FAM228B: variants seen among roughly 807,000 people sequenced by gnomAD.
FAM228B encodes protein FAM228B.
A neutral mutation model predicts 42.6 loss-of-function variants in FAM228B; 38 were observed. The observed-to-expected ratio is 0.89, with a 90% CI of 0.69 to 1.17. The LOEUF is 1.17. Ranked by LOEUF, FAM228B falls within the 50% of genes most tolerant of loss-of-function variation. FAM228B has a pLI of 0.00. For synonymous variants in FAM228B, 109 were observed against 122.3 expected, an observed-to-expected ratio of 0.89 and a Z score of 0.72; for missense variants, 344 against 367.3, an observed-to-expected ratio of 0.94 and a Z score of 0.52.
chr2:24,084,164 C>T lies in FAM228B; in HGVS notation c.-210+3209C>T, dbSNP rs928691303. On this transcript the variant is annotated intron_variant, in intron 2 of 10. Coordinates refer to the FAM228B transcript ENST00000613899. The surrounding 1 kb of genome is among the most constrained non-coding windows in gnomAD (Gnocchi z 8.4). ...AGGGAGGCTCTGGAGTCCCGCCCGC[C>T]CCGGCGCGGCTGAGCCCTGGGTACC... 1 of 1,596,598 alleles carries T rather than the reference C, an allele frequency of 6.3e-7. No homozygotes were observed. Among genetic ancestry groups the T allele is most frequent in the Non-Finnish European group, 8.5e-7 (1 of 1,172,944 alleles).
chr2:24,078,979 G>A (rs1371163171), intron 1 of FAM228B: 1 of 161,296 alleles, frequency 6.2e-6, no homozygotes, highest in Non-Finnish European at 1.4e-5. Context: ...TGAAACTCCT[G>A]GACTCAAGCA....
Position 24,093,683 on chromosome 2 carries a change from T to C in FAM228B, c.-209-1458T>C, listed in dbSNP as rs185252203. On this transcript the variant is annotated intron_variant, in intron 2 of 10. Coordinates refer to the FAM228B transcript ENST00000613899. ...CAGGCTGAAGTGCAGTGGCACAATC[T>C]TGGCTCACTGCAACCTCCTCCTCCT... Among the ~76,000 whole-genome samples the C allele has an allele frequency of 1.9e-3, 278 of 149,894 alleles. 4 individuals are homozygous for C. Among genetic ancestry groups the C allele is most frequent in the Admixed American group, 0.014 (209 of 15,030 alleles).
intron 3 of FAM228B, among the ~76,000 whole-genome samples, chr2:24,101,476 G>A (rs1409230871): frequency 6.6e-6 from 1 of 151,798 alleles, no homozygotes; most frequent in African/African-American, 2.4e-5. Flanking sequence ...TTATTATTAT[G>A]ATATTATTAG....
chr2:24,094,144 A>G (rs1350137563), intron 2 of FAM228B, among the ~76,000 whole-genome samples: 1 of 144,188 alleles, frequency 6.9e-6, no homozygotes, highest in African/African-American at 2.6e-5. Context: ...GATTCAAGTG[A>G]TCCTCCTGCC....
intron 2 of FAM228B, among the ~76,000 whole-genome samples, chr2:24,092,783 AATTCTATGC>A (rs1426939454): frequency 1.1e-4 from 16 of 152,294 alleles, no homozygotes; most frequent in African/African-American, 3.6e-4. Context: ...ATAAATTGTG[AATTCTATGC>A]ATCCACTTGA....
At chr2:24,165,922 A>G (rs1667392159) in intron 9 of FAM228B, 1 of 156,458 alleles carries the variant, frequency 6.4e-6, no homozygotes, top group Non-Finnish European at 1.4e-5. Context: ...GAGTCCTGTA[A>G]TTCCAGCTAC....
intron 2 of FAM228B, chr2:24,081,123 C>T: frequency 1.1e-6 from 1 of 887,618 alleles, no homozygotes; most frequent in Non-Finnish European, 1.5e-6. Context: ...GGCCGTTGCA[C>T]CAAATGCCAA....
At chr2:24,147,117 C>CT (rs1666914603) in intron 7 of FAM228B, 31 bp downstream of exon 7, 1 of 1,417,760 alleles carries the variant, frequency 7.1e-7, no homozygotes, top group Non-Finnish European at 9.4e-7. Flanking sequence ...AATTATAGAA[C>CT]CTTTTGGACT....
Position 24,161,536 on chromosome 2 carries a change from T to C in FAM228B, c.717T>C (p.Cys239=), listed in dbSNP as rs898200769. The change falls in exon 8 of 11, where the codon TGT becomes TGC. Residue 239 remains cysteine (C), a synonymous_variant. Coordinates refer to ENST00000615575, the MANE Select transcript of FAM228B (RefSeq NM_001145710.2). The part of the protein sequence containing the change: ...RLKVKVNFND[C]SFDLKPLARA... ...AGGTGAAAGTGAATTTTAATGACTG[T>C]AGTTTTGATTTGAAACCTTTGGCAA... is the stretch of plus-strand genomic sequence containing the variant. The C allele has an allele frequency of 5.2e-6, 8 of 1,545,678 alleles. No homozygotes were observed. Among genetic ancestry groups the C allele is most frequent in the Admixed American group, 3.9e-5 (2 of 50,884 alleles).
intron 9 of FAM228B, among the ~76,000 whole-genome samples, chr2:24,167,160 G>A (rs989343475): frequency 6.6e-6 from 1 of 152,222 alleles, no homozygotes; most frequent in African/African-American, 2.4e-5. Flanking sequence ...AGGCAGGGCC[G>A]TCAAGGCAGT....
chr2:24,153,590 C>T lies in FAM228B; in HGVS notation c.686+6504C>T, dbSNP rs117590913. Among the ~76,000 whole-genome samples the T allele has an allele frequency of 2.3e-4, 35 of 152,286 alleles. 1 individual carries two copies. In the East Asian group the frequency reaches 6.6e-3, roughly 29 times the overall value. On this transcript the variant is annotated intron_variant, in intron 7 of 10. Coordinates refer to ENST00000615575, the MANE Select transcript of FAM228B (RefSeq NM_001145710.2). ...GATGCAGGACAAAGTCCTCTTTATT[C>T]TTCACTCTCCTCCCTTTAAGCAGAA...
At chr2:24,142,282 ATGGCCCAGAGCACC>A (rs1336602019) in intron 5 of FAM228B, among the ~76,000 whole-genome samples, 1 of 152,190 alleles carries the variant, frequency 6.6e-6, no homozygotes, top group African/African-American at 2.4e-5. Flanking sequence ...AGGGCTTGAG[ATGGCCCAGAGCACC>A]TGGCTTCAGA....
intron 2 of FAM228B, among the ~76,000 whole-genome samples, chr2:24,132,957 G>A (rs751314640): frequency 1.3e-5 from 2 of 152,136 alleles, no homozygotes; most frequent in African/African-American, 4.8e-5. Context: ...CAGATATTTG[G>A]TCAGAGTTCT....
upstream of FAM228B, chr2:24,123,037 A>G (rs918850696): frequency 2.0e-5 from 3 of 152,422 alleles, no homozygotes; most frequent in African/African-American, 7.2e-5. Flanking sequence ...CAACATCCCA[A>G]TGGACTAAAA....
upstream of FAM228B, chr2:24,123,159 G>A (rs74883678): frequency 0.12 from 18,617 of 152,460 alleles, 1,362 homozygotes; most frequent in Middle Eastern, 0.2. Context: ...CCTTCCAGTG[G>A]TTTGGTCCCC....
intron 2 of FAM228B, among the ~76,000 whole-genome samples, chr2:24,094,234 G>A (rs1174913381): frequency 2.6e-5 from 4 of 151,360 alleles, no homozygotes; most frequent in Non-Finnish European, 4.4e-5. Context: ...CACCACACCT[G>A]GCTACTTTTT....
At chr2:24,124,161 G>A (rs537866442) in intron 1 of FAM228B, 169 bp from the exon 2 acceptor site, 7 of 463,510 alleles carry the variant, frequency 1.5e-5, no homozygotes, top group Non-Finnish European at 2.3e-5. Flanking sequence ...AAAGGAGGCT[G>A]GCTCTGAAGC....
At chr2:24,116,806 C>A (rs1437746187) in intron 3 of FAM228B, among the ~76,000 whole-genome samples, 4 of 151,530 alleles carry the variant, frequency 2.6e-5, no homozygotes, top group Non-Finnish European at 5.9e-5. Context: ...ATCTCTTGAA[C>A]CTGGAAGTTG....
chr2:24,146,795 C>T lies in FAM228B; in HGVS notation c.489C>T (p.Asp163=). The change falls in exon 6 of 11, where the codon GAC becomes GAT. Residue 163 remains aspartate, a synonymous_variant. Coordinates refer to ENST00000615575, the MANE Select transcript of FAM228B (RefSeq NM_001145710.2). ...ACCCTTTGAAAAAAGCACAATATGA[C>T]AAGGATAACGAAAAAAGAACTCTTC... ...FHDPLKKAQY[D]KDNEKRTLLQ... is the part of the protein sequence containing the mutation. The T allele has an allele frequency of 6.5e-7, 1 of 1,549,968 alleles. No individual in the cohort carries two copies. The highest frequency in any genetic ancestry group is 8.7e-7 in the Non-Finnish European group (1 of 1,145,872).
Sources: gnomAD v4.1 joint callset for allele counts (sites outside exome capture counted in the v4.1 genomes callset) on GRCh38, gnomAD v4.1.1 for gene constraint, Gnocchi (gnomAD v3.1) non-coding constraint, MANE v1.5 for transcripts, NCBI Gene and HGNC (gene_info 2026-07-23, HGNC 2026-07-21) for gene names.